Variants in COL26A1 observed in about 807,000 individuals in gnomAD.
COL26A1 encodes collagen type XXVI alpha 1 chain.
In COL26A1, 41 loss-of-function variants were observed where a neutral mutation model predicts 59.3. The observed-to-expected ratio is 0.69, with a 90% CI of 0.54 to 0.90. The LOEUF (loss-of-function observed/expected upper bound fraction) is 0.90, where lower values mean the gene tolerates loss of function less well. Ranked by LOEUF, COL26A1 falls within the 40% of genes least tolerant of loss-of-function variation. The probability of loss-of-function intolerance (pLI) is 0.00; values close to 1 mark genes in which losing one functional copy is unlikely to be tolerated. For missense variants in COL26A1, 612 were observed against 602.3 expected, an observed-to-expected ratio of 1.02 and a Z score of -0.17; for synonymous variants, 266 against 256.0, an observed-to-expected ratio of 1.04 and a Z score of -0.37.
chr7:101,370,540 T>C (rs924636791), intron 1 of COL26A1, among the ~76,000 whole-genome samples: 1 of 151,928 alleles, frequency 6.6e-6, no homozygotes, highest in African/African-American at 2.4e-5. Flanking sequence ...CTGGCTAATT[T>C]TTTGTATTTT....
intron 3 of COL26A1, among the ~76,000 whole-genome samples, chr7:101,457,541 A>T (rs1197545225): frequency 6.6e-6 from 1 of 152,104 alleles, no homozygotes; most frequent in Non-Finnish European, 1.5e-5. Flanking sequence ...AATTCCTTCC[A>T]TGTTCAGCTT....
chr7:101,490,983 C>CA (rs3073351), intron 3 of COL26A1, among the ~76,000 whole-genome samples: 1,636 of 108,982 alleles, frequency 0.015, 29 homozygotes, highest in East Asian at 0.035. Context: ...GGCTCTGTCT[C>CA]AAAAAAAAAA....
At chr7:101,471,564 GTTGT>G (rs1793901001) in intron 3 of COL26A1, among the ~76,000 whole-genome samples, 4 of 129,014 alleles carry the variant, frequency 3.1e-5, no homozygotes, top group African/African-American at 9.4e-5. Context: ...TGTTGTTGTT[GTTGT>G]TTGTTTTTTT....
At chr7:101,436,289 C>T (rs1032238960) in intron 2 of COL26A1, among the ~76,000 whole-genome samples, 2 of 152,178 alleles carry the variant, frequency 1.3e-5, no homozygotes, top group African/African-American at 2.4e-5. Flanking sequence ...TTCCCCTCCC[C>T]GCTGGCCTGC....
intron 2 of COL26A1, among the ~76,000 whole-genome samples, chr7:101,436,380 G>A (rs982796469): frequency 2.0e-5 from 3 of 152,156 alleles, no homozygotes; most frequent in African/African-American, 4.8e-5. Flanking sequence ...TCTCCAGCCT[G>A]ACTCGGAACC....
intron 3 of COL26A1, among the ~76,000 whole-genome samples, chr7:101,497,634 C>T (rs1197553455): frequency 2.0e-5 from 3 of 151,828 alleles, no homozygotes; most frequent in East Asian, 3.9e-4. Flanking sequence ...TGTCATTGCA[C>T]GATTACACCC....
intron 3 of COL26A1, among the ~76,000 whole-genome samples, chr7:101,503,269 C>T (rs1416675276): frequency 6.6e-6 from 1 of 152,152 alleles, no homozygotes; most frequent in Non-Finnish European, 1.5e-5. Flanking sequence ...TTGTATGTCT[C>T]AGAAATGATG....
chr7:101,451,881 A>G (rs895285136), intron 3 of COL26A1, among the ~76,000 whole-genome samples: 3 of 151,710 alleles, frequency 2.0e-5, no homozygotes, highest in Non-Finnish European at 4.4e-5. Context: ...TGTTTTTTGT[A>G]TTTTTAGTAG....
At chr7:101,534,125 G>C (rs1048492289) in intron 4 of COL26A1, among the ~76,000 whole-genome samples, 9 of 152,200 alleles carry the variant, frequency 5.9e-5, no homozygotes, top group Non-Finnish European at 1.3e-4. Context: ...AAGCCTCTTG[G>C]GACAGCAGGG....
intron 3 of COL26A1, among the ~76,000 whole-genome samples, chr7:101,500,964 A>G (rs920593359): frequency 6.6e-6 from 1 of 151,774 alleles, no homozygotes; most frequent in Non-Finnish European, 1.5e-5. Context: ...CGGGCGGATC[A>G]CGAGGTCAGG....
intron 8 of COL26A1, among the ~76,000 whole-genome samples, chr7:101,548,391 T>G (rs1285433327): frequency 6.6e-6 from 1 of 152,150 alleles, no homozygotes; most frequent in Non-Finnish European, 1.5e-5. Flanking sequence ...GGCACACACA[T>G]GAGACCCAGC....
chr7:101,422,354 T>C (rs552473694), intron 2 of COL26A1, among the ~76,000 whole-genome samples: 2 of 105,018 alleles, frequency 1.9e-5, no homozygotes, highest in African/African-American at 3.7e-5. Flanking sequence ...ACTAGAGAGA[T>C]GGCAGTGGGT....
At chr7:101,534,736 G>A (rs576424772) in intron 4 of COL26A1, among the ~76,000 whole-genome samples, 25 of 152,166 alleles carry the variant, frequency 1.6e-4, no homozygotes, top group African/African-American at 5.1e-4. Context: ...ATTACCCTTG[G>A]CCCTGACTTC....
chr7:101,468,681 C>A (rs574163426), intron 3 of COL26A1, among the ~76,000 whole-genome samples: 5 of 152,294 alleles, frequency 3.3e-5, no homozygotes, highest in Admixed American at 3.3e-4. Flanking sequence ...GTGGTTAAAC[C>A]GTAAAACTTT....
chr7:101,520,662 A>ACACACACACACACACAC (rs915256077), intron 3 of COL26A1, among the ~76,000 whole-genome samples: 28 of 143,354 alleles, frequency 2.0e-4, no homozygotes, highest in Admixed American at 1.0e-3. Context: ...ACACACACAC[A>ACACACACACACACACAC]CCCCCGTGTT....
At chr7:101,477,499 T>C (rs1794075197) in intron 3 of COL26A1, among the ~76,000 whole-genome samples, 1 of 152,128 alleles carries the variant, frequency 6.6e-6, no homozygotes, top group Admixed American at 6.6e-5. Flanking sequence ...ATCTGGAGGG[T>C]GTACATCTGG....
rs372343551 is a variant in COL26A1 at position 101,418,812 on chromosome 7, C to T, written c.159-1165C>T. ...GGGATGGGAGGAGGAGGTGGGAGCA[C>T]CTTAACCTGATCCCGTATTGTTTGT... On this transcript the variant is annotated intron_variant, in intron 1 of 12. Coordinates refer to ENST00000313669, the MANE Select transcript of COL26A1 (RefSeq NM_001278563.3). Among the ~76,000 whole-genome samples, 277 of 152,054 alleles carry T rather than the reference C, an allele frequency of 1.8e-3. 1 individual carries two copies. Among genetic ancestry groups the T allele is most frequent in the African/African-American group, 6.4e-3 (265 of 41,482 alleles).
intron 3 of COL26A1, among the ~76,000 whole-genome samples, chr7:101,461,396 T>A (rs1158873811): frequency 6.6e-6 from 1 of 151,842 alleles, no homozygotes; most frequent in Admixed American, 6.6e-5. Context: ...CCTCCCGGGT[T>A]CAAGCGATTC....
Position 101,533,272 on chromosome 7 carries a change from A to G in COL26A1, c.447+129A>G, listed in dbSNP as rs144209328. On this transcript the variant is annotated intron_variant, in intron 4 of 12. Transcript: ENST00000313669. ...CCCGGGTTTCCAAGCAGGCTTGGAC[A>G]GCCGGTCCCAGGTACTGGGTACTGT... 95 of 707,610 alleles carry G rather than the reference A, an allele frequency of 1.3e-4. No individual in the cohort carries two copies. In the African/African-American group the frequency reaches 1.6e-3, roughly 12 times the overall value. The allele number at this position is 707,610 out of a possible 1,614,324, so 43.8% of individuals were successfully genotyped here. A position where few individuals can be genotyped will look rare whatever the true frequency, so the allele number is the denominator to read the frequency against.
Sources: allele counts gnomAD v4.1 joint callset (sites outside exome capture counted in the v4.1 genomes callset), GRCh38; gene constraint gnomAD v4.1.1; transcripts MANE v1.5; gene names NCBI Gene and HGNC (gene_info 2026-07-23, HGNC 2026-07-21).